ADAMTSL1: variants seen among roughly 807,000 people sequenced by gnomAD.
ADAMTSL1 encodes ADAMTS like 1.
ADAMTSL1 carries 126 observed loss-of-function variants against 201.8 expected under a neutral mutation model. The observed-to-expected ratio is 0.62, with a 90% CI of 0.54 to 0.72. The LOEUF (loss-of-function observed/expected upper bound fraction) is 0.72. Among genes scored for constraint, ADAMTSL1 ranks in the 30% least tolerant of loss-of-function variants. The probability of loss-of-function intolerance (pLI) is 0.00; values close to 1 mark genes in which losing one functional copy is unlikely to be tolerated. For synonymous variants in ADAMTSL1, 1,121 were observed against 903.4 expected, an observed-to-expected ratio of 1.24 and a Z score of -4.32; for missense variants, 2,679 against 2,277.8, an observed-to-expected ratio of 1.18 and a Z score of -3.59.
chr9:18,255,237 T>G (rs900869063), intron 2 of ADAMTSL1, among the ~76,000 whole-genome samples: 12 of 152,150 alleles, frequency 7.9e-5, no homozygotes, highest in African/African-American at 2.9e-4. Context: ...AGGCTGTAAC[T>G]CCACACAGAA....
chr9:18,112,162 A>G (rs1024385902), intron 1 of ADAMTSL1, among the ~76,000 whole-genome samples: 4 of 152,146 alleles, frequency 2.6e-5, no homozygotes, highest in African/African-American at 9.6e-5. Flanking sequence ...ATAGGAAGAT[A>G]GATAATGTGT....
chr9:18,723,032 C>T (rs758190923), intron 15 of ADAMTSL1: 3 of 779,854 alleles, frequency 3.8e-6, no homozygotes, highest in Non-Finnish European at 4.8e-6. Flanking sequence ...AGTATCGACT[C>T]AGCATGGAAC....
chr9:18,019,891 G>A lies in ADAMTSL1; in HGVS notation c.87+112969G>A, dbSNP rs146425433. On this transcript the variant is annotated intron_variant, in intron 1 of 29. Transcript: ENST00000680146. ...GAGAGTAGTGGAGAATTATTCTTAGGCCTTGAGAATCTAACCAGGGTGTCC... is the reference window on the plus strand; with the variant it reads ...GAGAGTAGTGGAGAATTATTCTTAGACCTTGAGAATCTAACCAGGGTGTCC... Among the ~76,000 whole-genome samples the A allele has an allele frequency of 9.8e-3, 1,485 of 152,154 alleles. 22 individuals are homozygous for A. The highest frequency in any genetic ancestry group is 0.034 in the African/African-American group (1,414 of 41,542).
intron 2 of ADAMTSL1, among the ~76,000 whole-genome samples, chr9:18,204,123 C>T (rs544983638): frequency 1.3e-5 from 2 of 152,228 alleles, no homozygotes; most frequent in African/African-American, 4.8e-5. Flanking sequence ...GCTCTTTGGA[C>T]ATTTTTCATT....
At chr9:18,219,343 T>TTTTTTTTA (rs1830170319) in intron 2 of ADAMTSL1, among the ~76,000 whole-genome samples, 1 of 145,410 alleles carries the variant, frequency 6.9e-6, no homozygotes, top group African/African-American at 2.5e-5. Flanking sequence ...TACATTTTAT[T>TTTTTTTTA]TTTATTTATT....
chr9:18,435,996 C>A (rs1819714965), intron 2 of ADAMTSL1, among the ~76,000 whole-genome samples: 1 of 152,078 alleles, frequency 6.6e-6, no homozygotes, highest in Admixed American at 6.5e-5. Flanking sequence ...AAATATTTGA[C>A]CTTTTACTTT....
intron 2 of ADAMTSL1, among the ~76,000 whole-genome samples, chr9:18,276,623 A>G (rs1161914009): frequency 2.6e-5 from 4 of 152,250 alleles, no homozygotes; most frequent in Non-Finnish European, 4.4e-5. Flanking sequence ...GCGTGCTGCC[A>G]GCACCTGCTT....
At chr9:18,059,198 G>T (rs150669347) in intron 1 of ADAMTSL1, among the ~76,000 whole-genome samples, 255 of 152,224 alleles carry the variant, frequency 1.7e-3, no homozygotes, top group South Asian at 6.4e-3. Flanking sequence ...TCATCACATT[G>T]TCTCTCCTCT....
At chr9:18,572,275 T>A (rs1489745228) in intron 3 of ADAMTSL1, among the ~76,000 whole-genome samples, 1 of 152,160 alleles carries the variant, frequency 6.6e-6, no homozygotes, top group Non-Finnish European at 1.5e-5. Context: ...CATAATATAG[T>A]TTTGCTGGTT....
At chr9:18,854,004 T>TG (rs972961426) in intron 23 of ADAMTSL1, among the ~76,000 whole-genome samples, 12 of 151,360 alleles carry the variant, frequency 7.9e-5, no homozygotes, top group African/African-American at 2.9e-4. Context: ...CTGTTGGAGG[T>TG]GGGGGGGTTG....
intron 2 of ADAMTSL1, among the ~76,000 whole-genome samples, chr9:18,281,254 A>G (rs56227634): frequency 0.097 from 14,830 of 152,252 alleles, 967 homozygotes; most frequent in South Asian, 0.18. Context: ...GCAAATTGCA[A>G]TGGGAAGGGG....
intron 21 of ADAMTSL1, among the ~76,000 whole-genome samples, chr9:18,821,703 G>A (rs1028284089): frequency 2.9e-4 from 44 of 152,038 alleles, no homozygotes; most frequent in Admixed American, 2.8e-3. Context: ...TTGAGTTACT[G>A]TATCCTTTCT....
intron 13 of ADAMTSL1, among the ~76,000 whole-genome samples, chr9:18,688,658 T>TAA (rs1270730704): frequency 6.1e-4 from 4 of 6,596 alleles, no homozygotes; most frequent in African/African-American, 8.3e-4. Context: ...ACAGAGCATT[T>TAA]CAAAAAAAAA....
chr9:18,350,850 C>G (rs1435248434), intron 2 of ADAMTSL1, among the ~76,000 whole-genome samples: 1 of 152,020 alleles, frequency 6.6e-6, no homozygotes, highest in East Asian at 1.9e-4. Flanking sequence ...AGTCTCAAGG[C>G]AAAATACAGA....
chr9:18,437,793 T>C (rs1348203166), intron 2 of ADAMTSL1, among the ~76,000 whole-genome samples: 1 of 152,152 alleles, frequency 6.6e-6, no homozygotes, highest in Non-Finnish European at 1.5e-5. Flanking sequence ...ACATGACCTT[T>C]TGAGCTTCCC....
chr9:18,680,841 T>C (rs1311979801), intron 11 of ADAMTSL1: 1 of 347,930 alleles, frequency 2.9e-6, no homozygotes, highest in Non-Finnish European at 5.4e-6. Flanking sequence ...AAAGCTGCTT[T>C]GATGATAGAG....
intron 13 of ADAMTSL1, among the ~76,000 whole-genome samples, chr9:18,703,701 C>CATATATATATATATAT (rs72258520): frequency 0.043 from 3,329 of 77,930 alleles, 350 homozygotes; most frequent in Middle Eastern, 0.054. Flanking sequence ...TGCGCACATA[C>CATATATATATATATAT]ATATATATAT....
intron 26 of ADAMTSL1, among the ~76,000 whole-genome samples, chr9:18,894,539 T>C (rs962284472): frequency 3.3e-5 from 5 of 151,872 alleles, no homozygotes; most frequent in Admixed American, 6.6e-5. Flanking sequence ...CCATGATCCA[T>C]TGGATATGAG....
At chr9:18,571,072 G>A (rs1488641708) in intron 3 of ADAMTSL1, among the ~76,000 whole-genome samples, 1 of 152,144 alleles carries the variant, frequency 6.6e-6, no homozygotes, top group East Asian at 1.9e-4. Context: ...CTGCCTTTAG[G>A]TCCTATTTTT....
Sources: allele counts gnomAD v4.1 joint callset (sites outside exome capture counted in the v4.1 genomes callset), GRCh38; gene constraint gnomAD v4.1.1; transcripts MANE v1.5; gene names NCBI Gene and HGNC (gene_info 2026-07-23, HGNC 2026-07-21).